The following CACNA2D3 variants were observed in gnomAD, a reference collection of about 807,000 sequenced individuals.
The protein encoded by CACNA2D3 is calcium voltage-gated channel auxiliary subunit alpha2delta 3, also known as voltage-dependent calcium channel subunit alpha-2/delta-3.
Under a neutral mutation model 160.6 loss-of-function variants are expected in CACNA2D3, and 60 were observed. That is an observed-to-expected ratio of 0.37 (90% confidence interval 0.30 to 0.46). CACNA2D3 has a LOEUF of 0.46. Ranked by LOEUF, CACNA2D3 falls within the 20% of genes least tolerant of loss-of-function variation. CACNA2D3 has a pLI of 1.00. For missense variants in CACNA2D3, 1,205 were observed against 1,365.0 expected, an observed-to-expected ratio of 0.88 and a Z score of 1.85; for synonymous variants, 558 against 492.9, an observed-to-expected ratio of 1.13 and a Z score of -1.75.
chr3:54,564,732 A>G (rs375636758), intron 6 of CACNA2D3, among the ~76,000 whole-genome samples: 7 of 152,306 alleles, frequency 4.6e-5, no homozygotes, highest in East Asian at 3.9e-4. Context: ...TAAAATCATG[A>G]ACTAGACAAA....
At chr3:54,370,914 A>G (rs768299592) in intron 3 of CACNA2D3, among the ~76,000 whole-genome samples, 1 of 151,346 alleles carries the variant, frequency 6.6e-6, no homozygotes, top group African/African-American at 2.4e-5. Context: ...GGCATCCACA[A>G]ATCTTTCTGT....
rs117832657 is a variant in CACNA2D3, at chr3:54,823,440, A to G, written c.1398+6570A>G. 1.6e-3 allele frequency among the ~76,000 whole-genome samples: 242 copies of G among 152,274 alleles called. 11 individuals are homozygous for G. In the East Asian group the frequency reaches 0.042, roughly 26 times the overall value. On this transcript the variant is annotated intron_variant, in intron 14 of 37. Transcript: ENST00000474759. Reference sequence around the variant, plus strand: ...GCATGAAAATTGATAAAAGCCTTCAATAAAACATACCACTACATACCAGTA... The same window carrying G: ...GCATGAAAATTGATAAAAGCCTTCAGTAAAACATACCACTACATACCAGTA...
At chr3:54,959,306 A>G (rs955968219) in intron 27 of CACNA2D3, among the ~76,000 whole-genome samples, 1 of 152,184 alleles carries the variant, frequency 6.6e-6, no homozygotes, top group African/African-American at 2.4e-5. Context: ...TGGGAGCTCC[A>G]CAGGGGACTC....
intron 6 of CACNA2D3, among the ~76,000 whole-genome samples, chr3:54,565,047 G>T (rs1337600532): frequency 6.6e-6 from 1 of 152,142 alleles, no homozygotes; most frequent in Admixed American, 6.5e-5. Context: ...TCTCAGTGGG[G>T]GTTCCAGGGG....
intron 11 of CACNA2D3, among the ~76,000 whole-genome samples, chr3:54,665,746 GATGGGTGGGTGGGTAC>G: frequency 1.3e-5 from 2 of 151,696 alleles, no homozygotes; most frequent in South Asian, 4.2e-4. Context: ...GGGTTGTAGC[GATGGGTGGGTGGGTAC>G]ATGGATGGGT....
At chr3:54,195,429 G>C (rs2107342682) in intron 2 of CACNA2D3, among the ~76,000 whole-genome samples, 2 of 152,314 alleles carry the variant, frequency 1.3e-5, no homozygotes, top group Middle Eastern at 6.8e-3. Flanking sequence ...GTCTGACACA[G>C]AGATGCAATG....
At chr3:54,283,181 A>G (rs1702922264) in intron 2 of CACNA2D3, among the ~76,000 whole-genome samples, 1 of 152,198 alleles carries the variant, frequency 6.6e-6, no homozygotes. Flanking sequence ...AAGAGAATTG[A>G]TAGGGAAGGT....
At chr3:54,782,942 A>G (rs961464920) in intron 13 of CACNA2D3, among the ~76,000 whole-genome samples, 5 of 152,188 alleles carry the variant, frequency 3.3e-5, no homozygotes, top group African/African-American at 1.2e-4. Context: ...GGTAAAACGC[A>G]CACCAGACCC....
Position 54,399,813 on chromosome 3 carries a change from A to T in CACNA2D3, c.381+13039A>T, listed in dbSNP as rs1363008850. Among the ~76,000 whole-genome samples the T allele has an allele frequency of 1.7e-5, 2 of 119,384 alleles. 1 individual carries two copies. The highest frequency in any genetic ancestry group is 3.5e-5 in the Non-Finnish European group (2 of 56,946). The allele number at this position is 119,384 out of a possible 152,430, so 78.3% of individuals were successfully genotyped here. A position where few individuals can be genotyped will look rare whatever the true frequency, so the allele number is the denominator to read the frequency against. ...CCCCAGAGGTGGAGCCTACAGAGGC[A>T]GGCAGGCCTCCTTGAGCTGTGGTGG... On this transcript the variant is annotated intron_variant, in intron 4 of 37. Transcript: ENST00000474759.
At chr3:54,796,310 A>C (rs187225002) in intron 13 of CACNA2D3, among the ~76,000 whole-genome samples, 1 of 152,130 alleles carries the variant, frequency 6.6e-6, no homozygotes, top group East Asian at 1.9e-4. Flanking sequence ...CTTGAACCCT[A>C]GAGTTCTCAG....
At chr3:54,136,881 A>G (rs1057507031) in intron 2 of CACNA2D3, among the ~76,000 whole-genome samples, 8 of 152,178 alleles carry the variant, frequency 5.3e-5, no homozygotes, top group African/African-American at 1.9e-4. Flanking sequence ...GGTGACTCTC[A>G]TTTGGTGGTC....
chr3:54,367,890 C>G (rs1434082451), intron 3 of CACNA2D3, among the ~76,000 whole-genome samples: 3 of 152,142 alleles, frequency 2.0e-5, no homozygotes, highest in Non-Finnish European at 2.9e-5. Context: ...CCACCTTGAA[C>G]TCTAGTATTT....
At position 54,832,011 on chromosome 3, in the gene CACNA2D3, T is replaced by TCATACACACACACACACACACA. The variant is rs373556430; in HGVS notation, c.1399-5146_1399-5145insTACACACACACACACACACACA. Among the ~76,000 whole-genome samples the TCATACACACACACACACACACA allele has an allele frequency of 9.3e-5, 11 of 118,860 alleles. 1 individual carries two copies. The highest frequency in any genetic ancestry group is 1.9e-4 in the Non-Finnish European group (11 of 57,796). 78.0% of individuals were successfully genotyped at this position (118,860 alleles called of 152,430 possible). A position where few individuals can be genotyped will look rare whatever the true frequency, so the allele number is the denominator to read the frequency against. On this transcript the variant is annotated intron_variant, in intron 14 of 37. Coordinates refer to ENST00000474759, the MANE Select transcript of CACNA2D3 (RefSeq NM_018398.3). ...TCCCTCTTTATCTCTCTCTTCTCTG[T>TCATACACACACACACACACACA]CACACACACACACACACACACACAC... is the stretch of plus-strand genomic sequence containing the variant.
intron 13 of CACNA2D3, among the ~76,000 whole-genome samples, chr3:54,770,986 A>G (rs1325160527): frequency 6.6e-6 from 1 of 152,194 alleles, no homozygotes; most frequent in Non-Finnish European, 1.5e-5. Context: ...GCATTCAGAG[A>G]AAACTGATGC....
chr3:54,453,270 G>A (rs977614978), intron 4 of CACNA2D3, among the ~76,000 whole-genome samples: 1 of 152,180 alleles, frequency 6.6e-6, no homozygotes, highest in African/African-American at 2.4e-5. Context: ...TGGGATTACA[G>A]GCATGAGCCA....
chr3:54,538,654 G>T (rs747461317), intron 5 of CACNA2D3, among the ~76,000 whole-genome samples: 31 of 152,116 alleles, frequency 2.0e-4, no homozygotes, highest in Non-Finnish European at 4.1e-4. Flanking sequence ...AACAGACTTA[G>T]CCCGTGTTCT....
chr3:54,186,297 T>G (rs1194997096), intron 2 of CACNA2D3, among the ~76,000 whole-genome samples: 1 of 152,218 alleles, frequency 6.6e-6, no homozygotes, highest in Non-Finnish European at 1.5e-5. Context: ...GGAAGTGTTC[T>G]TTTCAAATAG....
At chr3:54,800,350 G>C (rs1243460971) in intron 13 of CACNA2D3, among the ~76,000 whole-genome samples, 1 of 152,208 alleles carries the variant, frequency 6.6e-6, no homozygotes, top group South Asian at 2.1e-4. Context: ...TTTCCATCTG[G>C]TTCTACCAGT....
intron 3 of CACNA2D3, among the ~76,000 whole-genome samples, chr3:54,332,301 T>C (rs1453912329): frequency 6.6e-6 from 1 of 152,234 alleles, no homozygotes; most frequent in Non-Finnish European, 1.5e-5. Flanking sequence ...TTAAATTATA[T>C]TCTCACATCT....
Sources: allele counts gnomAD v4.1 joint callset (sites outside exome capture counted in the v4.1 genomes callset), GRCh38; gene constraint gnomAD v4.1.1; transcripts MANE v1.5; gene names NCBI Gene and HGNC (gene_info 2026-07-23, HGNC 2026-07-21).